The following PTPRD variants were observed in gnomAD, a reference collection of about 807,000 sequenced individuals.
PTPRD encodes the protein receptor-type tyrosine-protein phosphatase delta.
Under a neutral mutation model 214.5 loss-of-function variants are expected in PTPRD, and 34 were observed. The observed-to-expected ratio is 0.16, with a 90% CI of 0.12 to 0.21. The LOEUF (loss-of-function observed/expected upper bound fraction) is 0.21, where lower values mean the gene tolerates loss of function less well. Among genes scored for constraint, PTPRD ranks in the 10% least tolerant of loss-of-function variants. PTPRD has a pLI of 1.00. For missense variants in PTPRD, 2,545 were observed against 2,398.7 expected (o/e 1.06, Z -1.27); for synonymous variants, 1,128 against 845.7 (o/e 1.33, Z -5.79).
chr9:8,928,669 T>C, intron 11 of PTPRD, among the ~76,000 whole-genome samples: 1 of 152,192 alleles, frequency 6.6e-6, no homozygotes, highest in Non-Finnish European at 1.5e-5. Context: ...ATCTTGGCTA[T>C]ATGGGCTCTT....
chr9:9,645,311 T>C lies in PTPRD; in HGVS notation c.-286-70530A>G, dbSNP rs576220130. 1.6e-4 allele frequency among the ~76,000 whole-genome samples: 24 copies of C among 152,234 alleles called. No homozygotes were observed. In the East Asian group the frequency reaches 4.3e-3, roughly 27 times the overall value. ...AGACAATAATGCCTATTTCTCAGAGTTGCTCTAGAGACAAAATGATACAGT... is the reference window on the plus strand; with the variant it reads ...AGACAATAATGCCTATTTCTCAGAGCTGCTCTAGAGACAAAATGATACAGT... On this transcript the variant is annotated intron_variant, in intron 7 of 45. Coordinates refer to ENST00000381196, the MANE Select transcript of PTPRD (RefSeq NM_002839.4).
At chr9:10,085,847 T>C (rs7021364) in intron 3 of PTPRD, among the ~76,000 whole-genome samples, 11,381 of 151,868 alleles carry the variant, frequency 0.075, 1,219 homozygotes, top group African/African-American at 0.23. Flanking sequence ...CCTGTAACGT[T>C]GGTAAATGTT....
intron 4 of PTPRD, among the ~76,000 whole-genome samples, chr9:10,032,690 T>C (rs2097105359): frequency 6.6e-6 from 1 of 152,126 alleles, no homozygotes; most frequent in Middle Eastern, 3.2e-3. Context: ...TGAAGAATCA[T>C]TTAGTGTCAA....
intron 9 of PTPRD, among the ~76,000 whole-genome samples, chr9:9,227,616 G>A (rs1331316031): frequency 3.3e-5 from 5 of 152,052 alleles, no homozygotes; most frequent in Non-Finnish European, 7.4e-5. Flanking sequence ...GTATGACTTG[G>A]AGAACAGGCC....
At chr9:9,287,322 T>C (rs1949809889) in intron 9 of PTPRD, among the ~76,000 whole-genome samples, 1 of 151,808 alleles carries the variant, frequency 6.6e-6, no homozygotes. Flanking sequence ...TGTGTCTAAC[T>C]ACTATTTCAT....
At chr9:8,399,690 T>A (rs987489933) in intron 36 of PTPRD, among the ~76,000 whole-genome samples, 2 of 152,156 alleles carry the variant, frequency 1.3e-5, no homozygotes, top group Non-Finnish European at 2.9e-5. Context: ...TGTTTCAAAA[T>A]GTGTATTTGA....
chr9:9,346,350 T>G (rs1344437512), intron 9 of PTPRD, among the ~76,000 whole-genome samples: 1 of 152,162 alleles, frequency 6.6e-6, no homozygotes, highest in Admixed American at 6.6e-5. Flanking sequence ...TAACATAATT[T>G]GATCTTGAGA....
chr9:10,526,461 G>C (rs1001008575), intron 2 of PTPRD, among the ~76,000 whole-genome samples: 1 of 151,944 alleles, frequency 6.6e-6, no homozygotes, highest in Non-Finnish European at 1.5e-5. Context: ...TGATAGATTT[G>C]AGAATAAATA....
intron 5 of PTPRD, among the ~76,000 whole-genome samples, chr9:9,911,438 C>T (rs1373704622): frequency 6.8e-6 from 1 of 147,620 alleles, no homozygotes. Context: ...CAAATACACA[C>T]GAACCTCATG....
intron 4 of PTPRD, among the ~76,000 whole-genome samples, chr9:9,978,581 G>C (rs888251704): frequency 1.3e-5 from 2 of 152,028 alleles, no homozygotes; most frequent in African/African-American, 4.8e-5. Flanking sequence ...ACCATCAAAT[G>C]ACTATTATGA....
chr9:9,866,987 T>C (rs979114416), intron 5 of PTPRD, among the ~76,000 whole-genome samples: 17 of 152,192 alleles, frequency 1.1e-4, no homozygotes, highest in Admixed American at 8.5e-4. Context: ...TATAGTCATG[T>C]TATTTCTTTT....
intron 11 of PTPRD, among the ~76,000 whole-genome samples, chr9:8,737,511 G>T: frequency 6.6e-6 from 1 of 151,582 alleles, no homozygotes; most frequent in African/African-American, 2.4e-5. Context: ...AGTAAGGCTT[G>T]CTAAGTACTC....
intron 8 of PTPRD, among the ~76,000 whole-genome samples, chr9:9,566,160 A>G (rs1209191201): frequency 6.6e-6 from 1 of 151,852 alleles, no homozygotes; most frequent in Admixed American, 6.6e-5. Context: ...TAAAATTCTC[A>G]CTAATTACAT....
intron 14 of PTPRD, 38 bp from the exon 15 acceptor site, chr9:8,528,817 A>T: frequency 6.3e-7 from 1 of 1,593,278 alleles, no homozygotes; most frequent in South Asian, 1.1e-5. Context: ...TCAGTTAATA[A>T]GTCAGATGCT....
At chr9:10,102,137 T>C (rs2098557140) in intron 3 of PTPRD, among the ~76,000 whole-genome samples, 1 of 151,730 alleles carries the variant, frequency 6.6e-6, no homozygotes, top group Non-Finnish European at 1.5e-5. Flanking sequence ...ATAAATCGGT[T>C]GTTCCCCCAC....
At chr9:8,903,336 G>C (rs1276452110) in intron 11 of PTPRD, among the ~76,000 whole-genome samples, 1 of 152,028 alleles carries the variant, frequency 6.6e-6, no homozygotes, top group Non-Finnish European at 1.5e-5. Flanking sequence ...ACTGACTCAG[G>C]AACATATTCA....
At chr9:9,042,274 A>G (rs2099642410) in intron 10 of PTPRD, among the ~76,000 whole-genome samples, 1 of 152,222 alleles carries the variant, frequency 6.6e-6, no homozygotes, top group Non-Finnish European at 1.5e-5. Context: ...TACCAGTTTT[A>G]CTGAAGAAAA....
chr9:9,311,360 G>C (rs992481455), intron 9 of PTPRD, among the ~76,000 whole-genome samples: 1 of 152,084 alleles, frequency 6.6e-6, no homozygotes, highest in Non-Finnish European at 1.5e-5. Context: ...TGAATATTAT[G>C]TACAGCTACC....
At chr9:8,392,904 TC>T (rs1416230739) in intron 36 of PTPRD, among the ~76,000 whole-genome samples, 1 of 152,126 alleles carries the variant, frequency 6.6e-6, no homozygotes, top group African/African-American at 2.4e-5. Flanking sequence ...TGGTGGTGTG[TC>T]CTAAAAATAT....
Sources: gnomAD v4.1 joint callset for allele counts (sites outside exome capture counted in the v4.1 genomes callset) on GRCh38, gnomAD v4.1.1 for gene constraint, MANE v1.5 for transcripts, NCBI Gene and HGNC (gene_info 2026-07-23, HGNC 2026-07-21) for gene names.